SYT9: variants seen among roughly 807,000 people sequenced by gnomAD.
SYT9 encodes synaptotagmin-9.
In SYT9, 22 loss-of-function variants were observed where a neutral mutation model predicts 48.4. The ratio of observed to expected loss-of-function variants is 0.45; its 90% CI spans 0.32 to 0.65. The LOEUF is 0.65. Ranked by LOEUF, SYT9 falls within the 30% of genes least tolerant of loss-of-function variation. The pLI, the probability that SYT9 is intolerant of heterozygous loss-of-function variation, is 0.03. For missense variants in SYT9, 577 were observed against 622.0 expected, an observed-to-expected ratio of 0.93 and a Z score of 0.77; for synonymous variants, 265 against 245.0, an observed-to-expected ratio of 1.08 and a Z score of -0.76.
chr11:7,462,366 C>T (rs1212494901), intron 6 of SYT9, among the ~76,000 whole-genome samples: 1 of 135,330 alleles, frequency 7.4e-6, no homozygotes, highest in African/African-American at 3.2e-5. Flanking sequence ...AGTTGTTGCC[C>T]AAATGGACCC....
chr11:7,460,195 C>G (rs1848213361), intron 6 of SYT9, among the ~76,000 whole-genome samples: 1 of 152,156 alleles, frequency 6.6e-6, no homozygotes, highest in Non-Finnish European at 1.5e-5. Flanking sequence ...GATTATAGAT[C>G]TAATAATTCT....
intron 3 of SYT9, among the ~76,000 whole-genome samples, chr11:7,365,345 T>C (rs2134021475): frequency 6.6e-6 from 1 of 152,318 alleles, no homozygotes; most frequent in Non-Finnish European, 1.5e-5. Context: ...TTTTTTGGTA[T>C]TTTCTCAGCC....
Position 7,295,509 on chromosome 11 carries a change from T to G in SYT9, c.146-7530T>G, listed in dbSNP as rs149507826. On this transcript the variant is annotated intron_variant, in intron 1 of 6. Coordinates refer to ENST00000318881, the MANE Select transcript of SYT9 (RefSeq NM_175733.4). ...TCTGGTCATGGGCACATAAGTATTC[T>G]GCAAGAAGCTTGAGGCTTTCTCTAC... is the stretch of plus-strand genomic sequence containing the variant. 2.0e-5 allele frequency among the ~76,000 whole-genome samples: 3 copies of G among 152,348 alleles called. No individual in the cohort carries two copies. The East Asian group carries it at 5.8e-4, about 29-fold the overall frequency.
chr11:7,292,226 A>C (rs1430635714), intron 1 of SYT9, among the ~76,000 whole-genome samples: 1 of 152,216 alleles, frequency 6.6e-6, no homozygotes, highest in Non-Finnish European at 1.5e-5. Flanking sequence ...AGGTTAAAAC[A>C]TGAATTTGAT....
chr11:7,384,260 C>A lies in SYT9; in HGVS notation c.1045-31782C>A, dbSNP rs924621015. 2.0e-5 allele frequency among the ~76,000 whole-genome samples: 3 copies of A among 152,056 alleles called. No individual in the cohort carries two copies. In the East Asian group the frequency reaches 5.8e-4, roughly 29 times the overall value. ...CCTCCCAGGAGTTGGTAATTTGTAT[C>A]TCTAACCTGAATCTTCCCCTGATTT... On this transcript the variant is annotated intron_variant, in intron 3 of 6. Coordinates refer to ENST00000318881, the MANE Select transcript of SYT9 (RefSeq NM_175733.4).
intron 6 of SYT9, among the ~76,000 whole-genome samples, chr11:7,430,031 C>T (rs184116686): frequency 2.2e-4 from 33 of 152,098 alleles, no homozygotes; most frequent in Admixed American, 1.5e-3. Flanking sequence ...ACATAGCTGT[C>T]CTTTCCCTTC....
intron 5 of SYT9, among the ~76,000 whole-genome samples, chr11:7,419,454 G>GA (rs111422087): frequency 0.033 from 4,794 of 147,292 alleles, 249 homozygotes; most frequent in African/African-American, 0.11. Flanking sequence ...TTGCAGGAGG[G>GA]AAAAAAAAAA....
intron 3 of SYT9, among the ~76,000 whole-genome samples, chr11:7,328,313 C>T (rs1476273032): frequency 1.3e-5 from 2 of 151,610 alleles, no homozygotes; most frequent in Non-Finnish European, 2.9e-5. Context: ...TTATTTCTAC[C>T]ATTTTACATC....
intron 1 of SYT9, among the ~76,000 whole-genome samples, chr11:7,267,180 G>A (rs981587950): frequency 1.3e-5 from 2 of 151,830 alleles, no homozygotes; most frequent in East Asian, 1.9e-4. Context: ...AACCAAGTTT[G>A]TTATAACTTT....
At position 7,353,934 on chromosome 11, in the gene SYT9, T is replaced by G. The variant is rs531735637; in HGVS notation, c.1044+39993T>G. Among the ~76,000 whole-genome samples, 3 of 152,364 alleles carry G rather than the reference T, an allele frequency of 2.0e-5. No individual in the cohort carries two copies. In the South Asian group the frequency reaches 6.2e-4, roughly 32 times the overall value. On this transcript the variant is annotated intron_variant, in intron 3 of 6. Transcript: ENST00000318881. ...ACTAAGATAAAGATGAAATATTGTA[T>G]ATTTGAAATATTGTCTTTGAACTAT...
At chr11:7,291,980 G>A (rs997781739) in intron 1 of SYT9, among the ~76,000 whole-genome samples, 2 of 152,178 alleles carry the variant, frequency 1.3e-5, no homozygotes, top group Non-Finnish European at 2.9e-5. Context: ...AAATAGAAGG[G>A]AGAGGCAAGA....
intron 3 of SYT9, among the ~76,000 whole-genome samples, chr11:7,404,598 A>G (rs1846965883): frequency 1.3e-5 from 2 of 152,296 alleles, no homozygotes; most frequent in Non-Finnish European, 2.9e-5. Context: ...CAACAATTCT[A>G]GCTGGGGTTA....
chr11:7,243,702 G>T (rs181507507), intron 1 of SYT9, among the ~76,000 whole-genome samples: 6 of 152,318 alleles, frequency 3.9e-5, no homozygotes, highest in Admixed American at 3.9e-4. Context: ...CATCACTGGG[G>T]ATGGGGGAGG....
In SYT9 at chr11:7,416,124, C is replaced by G; in HGVS notation, c.1127C>G (p.Ala376Gly). Residue 376 changes from alanine (A) to glycine (G), a missense_variant, in exon 4 of 7, where the codon GCA (alanine) becomes GGA (glycine). Coordinates refer to ENST00000318881, the MANE Select transcript of SYT9 (RefSeq NM_175733.4). ...AGGCTGACCATTACCATTATAAAAG[C>G]AAGGAATTTAAAGGCAATGGACATA... ...AGRLTITIIK[A>G]RNLKAMDITG... 1 of 1,614,124 alleles carries G rather than the reference C, an allele frequency of 6.2e-7. No homozygotes were observed. Among genetic ancestry groups the G allele is most frequent in the Non-Finnish European group, 8.5e-7 (1 of 1,179,994 alleles).
intron 5 of SYT9, 140 bp downstream of exon 5, chr11:7,418,268 C>G (rs2134100667): frequency 1.1e-6 from 1 of 878,118 alleles, no homozygotes. Flanking sequence ...ATGGGAAGCA[C>G]ATTGACAGGA....
intron 3 of SYT9, among the ~76,000 whole-genome samples, chr11:7,329,172 T>G (rs1346980148): frequency 6.6e-6 from 1 of 152,192 alleles, no homozygotes; most frequent in Non-Finnish European, 1.5e-5. Context: ...GGAAATCTCT[T>G]TAGATATTTT....
intron 3 of SYT9, among the ~76,000 whole-genome samples, chr11:7,322,531 A>G (rs1017939): frequency 0.1 from 15,650 of 152,150 alleles, 976 homozygotes; most frequent in East Asian, 0.28. Flanking sequence ...TGATGTCTAG[A>G]TTATTCAGAG....
intron 3 of SYT9, among the ~76,000 whole-genome samples, chr11:7,381,113 C>G (rs1850554002): frequency 6.6e-6 from 1 of 152,116 alleles, no homozygotes; most frequent in Admixed American, 6.5e-5. Flanking sequence ...ATTATAAATT[C>G]ACCTCATTTT....
intron 3 of SYT9, among the ~76,000 whole-genome samples, chr11:7,366,166 A>G (rs749787903): frequency 5.3e-5 from 8 of 152,126 alleles, no homozygotes; most frequent in Admixed American, 1.3e-4. Context: ...TGGTCTCTCT[A>G]TGGCTAGCAA....
Sources: allele counts gnomAD v4.1 joint callset (sites outside exome capture counted in the v4.1 genomes callset), GRCh38; gene constraint gnomAD v4.1.1; transcripts MANE v1.5; gene names NCBI Gene and HGNC (gene_info 2026-07-23, HGNC 2026-07-21).